Variants in EBF1 observed in about 807,000 individuals in gnomAD.
The protein encoded by EBF1 is EBF transcription factor 1.
Under a neutral mutation model 68.4 loss-of-function variants are expected in EBF1, and 10 were observed. That is an observed-to-expected ratio of 0.15 (90% CI 0.09 to 0.25). The LOEUF (loss-of-function observed/expected upper bound fraction) is 0.25, where lower values mean the gene tolerates loss of function less well. Among genes scored for constraint, EBF1 ranks in the 10% least tolerant of loss-of-function variants. The pLI is 1.00. For missense variants in EBF1, 509 were observed against 794.4 expected, an observed-to-expected ratio of 0.64 and a Z score of 4.32; for synonymous variants, 298 against 299.8, an observed-to-expected ratio of 0.99 and a Z score of 0.06.
intron 11 of EBF1, among the ~76,000 whole-genome samples, chr5:158,719,196 T>C (rs989736151): frequency 3.3e-5 from 5 of 152,202 alleles, no homozygotes; most frequent in African/African-American, 9.6e-5. Flanking sequence ...TGAGTTTTTT[T>C]ATGTCACTTT....
chr5:159,055,312 C>G (rs1487771186), intron 6 of EBF1, among the ~76,000 whole-genome samples: 1 of 152,100 alleles, frequency 6.6e-6, no homozygotes, highest in Non-Finnish European at 1.5e-5. Context: ...CTTAAAGATC[C>G]TAAGTGTTTA....
intron 6 of EBF1, among the ~76,000 whole-genome samples, chr5:158,937,808 C>A (rs1812376146): frequency 6.6e-6 from 1 of 152,214 alleles, no homozygotes; most frequent in Non-Finnish European, 1.5e-5. Flanking sequence ...CGGCTCCACA[C>A]TTCAATGACA....
At chr5:159,078,759 A>G (rs1779245134) in intron 5 of EBF1, among the ~76,000 whole-genome samples, 1 of 152,212 alleles carries the variant, frequency 6.6e-6, no homozygotes, top group Admixed American at 6.5e-5. Flanking sequence ...ACGGACCGAA[A>G]TCAGCAGCCC....
intron 6 of EBF1, among the ~76,000 whole-genome samples, chr5:158,957,176 C>A (rs1817306779): frequency 6.6e-6 from 1 of 152,186 alleles, no homozygotes; most frequent in African/African-American, 2.4e-5. Context: ...TTATTATCCC[C>A]ATTTTACAGA....
At chr5:158,860,139 ATTC>A (rs1294951006) in intron 6 of EBF1, among the ~76,000 whole-genome samples, 1 of 152,226 alleles carries the variant, frequency 6.6e-6, no homozygotes, top group Admixed American at 6.5e-5. Context: ...GATTACAATT[ATTC>A]TTATTTTTAA....
At chr5:158,844,188 C>CTTT (rs10640628) in intron 6 of EBF1, among the ~76,000 whole-genome samples, 58,291 of 125,730 alleles carry the variant, frequency 0.46, 13,895 homozygotes, top group South Asian at 0.67. Flanking sequence ...TAACTCAAGC[C>CTTT]TTTTTTTTTT....
intron 7 of EBF1, among the ~76,000 whole-genome samples, chr5:158,838,779 T>C (rs1446923296): frequency 1.3e-5 from 2 of 152,242 alleles, no homozygotes; most frequent in Admixed American, 6.5e-5. Context: ...TGACTAAATA[T>C]ACTTAAGAGC....
chr5:158,708,040 G>A lies in EBF1; in HGVS notation c.1683C>T (p.Val561=), dbSNP rs762682614. The A allele has an allele frequency of 1.6e-5, 25 of 1,554,196 alleles. No individual in the cohort carries two copies. The highest frequency in any genetic ancestry group is 2.0e-4 in the Middle Eastern group (1 of 4,968). ...GAGGTGGGGAGGTCTGGGGTCTGAC[G>A]ACTGGTGCGAAAGCACTCTTCTGTT... ...AVKQKSAFAP[V]VRPQTSPPPT... is the part of the protein sequence containing the mutation. Residue 561 remains valine, a synonymous_variant, in exon 15 of 16, where the codon GTC becomes GTT. Transcript: ENST00000313708.
chr5:159,077,131 A>G (rs1778915282), intron 5 of EBF1, among the ~76,000 whole-genome samples: 1 of 152,216 alleles, frequency 6.6e-6, no homozygotes, highest in Non-Finnish European at 1.5e-5. Context: ...CATAATGTCA[A>G]CGGCTTTAGA....
intron 6 of EBF1, among the ~76,000 whole-genome samples, chr5:158,857,377 G>A (rs1794238473): frequency 6.6e-6 from 1 of 151,896 alleles, no homozygotes; most frequent in South Asian, 2.1e-4. Context: ...TTATTATGTT[G>A]CAAAATATCA....
chr5:158,696,907 T>C lies in EBF1; in HGVS notation c.*2204A>G, dbSNP rs1561656612. ...CTTTTCGATTTCTTTGTTTTTTTTT[T>C]TTTCTTTTTTTCTTTTTCTTTTTTC... On this transcript the variant is annotated 3_prime_UTR_variant, in exon 16 of 16. Transcript: ENST00000313708. 2 of 197,740 alleles carry C rather than the reference T, an allele frequency of 1.0e-5. No individual in the cohort carries two copies. The highest frequency in any genetic ancestry group is 2.1e-5 in the Non-Finnish European group (2 of 95,654). The allele number at this position is 197,740 out of a possible 1,614,324, so 12.2% of individuals were successfully genotyped here.
chr5:158,871,464 T>C (rs1347121810), intron 6 of EBF1, among the ~76,000 whole-genome samples: 1 of 152,196 alleles, frequency 6.6e-6, no homozygotes, highest in Non-Finnish European at 1.5e-5. Context: ...ATAATAATAA[T>C]ATGTAGAACA....
At chr5:158,994,292 G>C (rs1242649590) in intron 6 of EBF1, among the ~76,000 whole-genome samples, 1 of 152,202 alleles carries the variant, frequency 6.6e-6, no homozygotes. Flanking sequence ...TAAGTACAAT[G>C]AGCGATCTGA....
chr5:159,023,173 T>A lies in EBF1; in HGVS notation c.554+50223A>T, dbSNP rs547621623. On this transcript the variant is annotated intron_variant, in intron 6 of 15. Transcript: ENST00000313708. ...GTATTAATTTATTTTCTACATCAGATGCCAGAATTTTCTCACTAAAAAAAA... is the reference window on the plus strand; with the variant it reads ...GTATTAATTTATTTTCTACATCAGAAGCCAGAATTTTCTCACTAAAAAAAA... 7.2e-4 allele frequency among the ~76,000 whole-genome samples: 97 copies of A among 134,540 alleles called. 1 individual carries two copies. Among genetic ancestry groups the A allele is most frequent in the African/African-American group, 2.5e-3 (91 of 35,746 alleles). The allele number at this position is 134,540 out of a possible 152,430, so 88.3% of individuals were successfully genotyped here.
At chr5:158,952,557 T>C in intron 6 of EBF1, among the ~76,000 whole-genome samples, 1 of 152,242 alleles carries the variant, frequency 6.6e-6, no homozygotes. Context: ...ATGTCATTAA[T>C]GAATAATTAA....
chr5:159,013,174 C>G (rs1178286204), intron 6 of EBF1, among the ~76,000 whole-genome samples: 1 of 152,200 alleles, frequency 6.6e-6, no homozygotes, highest in East Asian at 1.9e-4. Flanking sequence ...AGCAGCCCTT[C>G]TAAGTTACCA....
intron 6 of EBF1, among the ~76,000 whole-genome samples, chr5:158,879,515 G>A (rs1798433817): frequency 6.6e-6 from 1 of 152,198 alleles, no homozygotes; most frequent in Non-Finnish European, 1.5e-5. Context: ...TTGTGTGGAA[G>A]GCAATGCTGA....
chr5:159,068,827 T>A (rs1356155998), intron 6 of EBF1, among the ~76,000 whole-genome samples: 1 of 152,168 alleles, frequency 6.6e-6, no homozygotes, highest in Non-Finnish European at 1.5e-5. Context: ...CAGGCATTTT[T>A]TTCCTTTATA....
At chr5:158,778,464 T>C (rs2127683089) in intron 9 of EBF1, among the ~76,000 whole-genome samples, 1 of 152,278 alleles carries the variant, frequency 6.6e-6, no homozygotes, top group East Asian at 1.9e-4. Flanking sequence ...ATATTTGTGG[T>C]ATTGAGTCCA....
Sources: allele counts gnomAD v4.1 joint callset (sites outside exome capture counted in the v4.1 genomes callset), GRCh38; gene constraint gnomAD v4.1.1; transcripts MANE v1.5; gene names NCBI Gene and HGNC (gene_info 2026-07-23, HGNC 2026-07-21).